The following PIGB variants were observed in gnomAD, a reference collection of about 807,000 sequenced individuals.
PIGB encodes the protein GPI alpha-1,2-mannosyltransferase 3.
PIGB carries 58 observed loss-of-function variants against 68.4 expected under a neutral mutation model. The observed-to-expected ratio is 0.85, with a 90% confidence interval of 0.69 to 1.06. The LOEUF (loss-of-function observed/expected upper bound fraction) is 1.06. Ranked by LOEUF, PIGB falls within the 50% of genes least tolerant of loss-of-function variation. PIGB has a pLI of 0.00. For synonymous variants in PIGB, 219 were observed against 220.5 expected, an observed-to-expected ratio of 0.99 and a Z score of 0.06; for missense variants, 634 against 655.8, an observed-to-expected ratio of 0.97 and a Z score of 0.36.
chr15:55,339,905 C>T (rs1215846801), intron 7 of PIGB: 1 of 152,780 alleles, frequency 6.5e-6, no homozygotes, highest in Non-Finnish European at 1.5e-5. Flanking sequence ...ATTTCGAGTA[C>T]ATATTGGGTA....
intron 3 of PIGB, among the ~76,000 whole-genome samples, chr15:55,322,004 G>A (rs1047779596): frequency 2.6e-4 from 39 of 151,354 alleles, no homozygotes; most frequent in African/African-American, 6.5e-4. Context: ...GAGAAACCGC[G>A]TCTCTACTAA....
chr15:55,355,216 T>G (rs1266686129), intron 11 of PIGB, 70 bp from the exon 12 acceptor site: 2 of 1,260,350 alleles, frequency 1.6e-6, no homozygotes, highest in Non-Finnish European at 2.2e-6. Flanking sequence ...AATAGGCAAT[T>G]CTAAAATTGA....
intron 9 of PIGB, chr15:55,350,084 T>C (rs2055888471): frequency 6.6e-6 from 1 of 152,168 alleles, no homozygotes; most frequent in African/African-American, 2.4e-5. Context: ...AAAGAAAAAT[T>C]GTTCAGCATC....
chr15:55,341,215 C>T (rs1429349679), intron 8 of PIGB, among the ~76,000 whole-genome samples: 1 of 152,110 alleles, frequency 6.6e-6, no homozygotes, highest in East Asian at 1.9e-4. Context: ...TTTAAAATTA[C>T]CAGGGCATGA....
At chr15:55,324,418 C>T (rs1054290202) in intron 3 of PIGB, among the ~76,000 whole-genome samples, 4 of 152,190 alleles carry the variant, frequency 2.6e-5, no homozygotes, top group African/African-American at 7.2e-5. Flanking sequence ...CTGCTAATGA[C>T]TGGGAGTTCA....
chr15:55,341,760 A>G lies in PIGB; in HGVS notation c.1081A>G (p.Arg361Gly). The G allele has an allele frequency of 6.9e-7, 1 of 1,458,014 alleles. No homozygotes were observed. Among genetic ancestry groups the G allele is most frequent in the Non-Finnish European group, 9.2e-7 (1 of 1,091,094 alleles). The allele number at this position is 1,458,014 out of a possible 1,614,324, so 90.3% of individuals were successfully genotyped here. Residue 361 changes from arginine (R) to glycine (G), a missense_variant, in exon 9 of 12, where the codon AGG becomes GGG. Coordinates refer to ENST00000164305, the MANE Select transcript of PIGB (RefSeq NM_004855.5). ...VYSMLSHKEF[R>G]FIYPVLPFCM... ...CAGCATGTTGAGCCACAAAGAATTC[A>G]GGTTTATTTATCCAGTTTTACCATT...
chr15:55,354,411 CT>C (rs146736130), intron 10 of PIGB, among the ~76,000 whole-genome samples: 3,341 of 152,218 alleles, frequency 0.022, 50 homozygotes, highest in Non-Finnish European at 0.034. Context: ...CAGTTTCCTA[CT>C]TTATCAAATA....
intron 3 of PIGB, among the ~76,000 whole-genome samples, chr15:55,323,171 G>A (rs1328774806): frequency 6.6e-6 from 1 of 152,126 alleles, no homozygotes; most frequent in East Asian, 1.9e-4. Context: ...ATTATTTTAA[G>A]CAAATTATAT....
At chr15:55,330,002 C>A in intron 5 of PIGB, 148 bp downstream of exon 5, 1 of 566,952 alleles carries the variant, frequency 1.8e-6, no homozygotes, top group Non-Finnish European at 3.1e-6. Context: ...TAGCAGAAAA[C>A]AGATAATACT....
intron 9 of PIGB, chr15:55,349,770 T>G (rs2055882682): frequency 6.6e-6 from 1 of 152,204 alleles, no homozygotes. Context: ...AAGGTTTGGA[T>G]GAAGAATACC....
At chr15:55,337,320 AG>A (rs975556669) in intron 6 of PIGB, among the ~76,000 whole-genome samples, 3 of 152,236 alleles carry the variant, frequency 2.0e-5, no homozygotes, top group African/African-American at 7.2e-5. Context: ...CTTACAACTT[AG>A]GGCAGGGGTC....
chr15:55,354,777 TGG>T lies in PIGB; in HGVS notation c.1338-20_1338-19del. The T allele has an allele frequency of 6.4e-7, 1 of 1,567,982 alleles. No homozygotes were observed. Among genetic ancestry groups the T allele is most frequent in the South Asian group, 1.2e-5 (1 of 83,134 alleles). ...TTTCATGTTTTACTTGTATTTATTA[TGG>T]TAACTTTTCTTTTCATAGCCATGTT... On this transcript the variant is annotated intron_variant, in intron 10 of 11. Transcript: ENST00000164305.
intron 2 of PIGB, 66 bp from the exon 3 acceptor site, chr15:55,321,207 T>TAA (rs150311504): frequency 2.1e-3 from 2,374 of 1,141,824 alleles, no homozygotes; most frequent in Non-Finnish European, 2.2e-3. Flanking sequence ...GACCCCATCT[T>TAA]AAAAAAAAAA....
At chr15:55,339,669 C>T (rs1027531326) in intron 7 of PIGB, among the ~76,000 whole-genome samples, 1 of 152,168 alleles carries the variant, frequency 6.6e-6, no homozygotes, top group Non-Finnish European at 1.5e-5. Context: ...ACCACACAGT[C>T]CAAAAAATAT....
chr15:55,334,063 C>T (rs1451050146), intron 6 of PIGB, 56 bp downstream of exon 6: 11 of 1,293,208 alleles, frequency 8.5e-6, no homozygotes, highest in South Asian at 1.6e-5. Flanking sequence ...TCACAGATTA[C>T]GAACAAGATT....
At chr15:55,347,983 CTTTTTTTTTTTT>C (rs576991463) in intron 9 of PIGB, among the ~76,000 whole-genome samples, 38 of 94,000 alleles carry the variant, frequency 4.0e-4, no homozygotes, top group African/African-American at 1.1e-3. Context: ...GCCATAGTTT[CTTTTTTTTTTTT>C]TTTTTTTTTT....
chr15:55,319,728 G>C, intron 1 of PIGB: 1 of 217,836 alleles, frequency 4.6e-6, no homozygotes, highest in South Asian at 9.7e-5. Context: ...TTTGGACAAG[G>C]CAGTTTAATT....
chr15:55,352,804 T>A (rs1246872277), intron 10 of PIGB, among the ~76,000 whole-genome samples: 1 of 152,198 alleles, frequency 6.6e-6, no homozygotes, highest in Non-Finnish European at 1.5e-5. Context: ...TAACTCAGTC[T>A]GGCTTTAAAC....
intron 9 of PIGB, among the ~76,000 whole-genome samples, chr15:55,344,817 T>G (rs995795468): frequency 3.3e-5 from 5 of 152,170 alleles, no homozygotes; most frequent in Non-Finnish European, 7.4e-5. Context: ...GAGTGTCTGC[T>G]TATCTGTTTT....
Sources: allele counts gnomAD v4.1 joint callset (sites outside exome capture counted in the v4.1 genomes callset), GRCh38; gene constraint gnomAD v4.1.1; transcripts MANE v1.5; gene names NCBI Gene and HGNC (gene_info 2026-07-23, HGNC 2026-07-21).